The following ADD1 variants were observed in gnomAD, a reference collection of about 807,000 sequenced individuals.
The protein encoded by ADD1 is adducin 1.
Under a neutral mutation model 80.5 loss-of-function variants are expected in ADD1, and 24 were observed. The observed-to-expected ratio is 0.30, with a 90% CI of 0.22 to 0.42. The LOEUF (loss-of-function observed/expected upper bound fraction) is 0.42, where lower values mean the gene tolerates loss of function less well. ADD1 is among the 10% of genes least tolerant of loss of function. ADD1 has a pLI of 1.00. For missense variants in ADD1, 948 were observed against 1,019.0 expected (o/e 0.93, Z 0.95); for synonymous variants, 373 against 393.8 (o/e 0.95, Z 0.63).
At chr4:2,885,874 T>C (rs1733260331) in intron 4 of ADD1, among the ~76,000 whole-genome samples, 1 of 152,144 alleles carries the variant, frequency 6.6e-6, no homozygotes, top group Admixed American at 6.5e-5. Context: ...CCTCCCAAAG[T>C]GCTGGGATTA....
chr4:2,868,655 C>T (rs1327802553), intron 1 of ADD1, among the ~76,000 whole-genome samples: 1 of 152,194 alleles, frequency 6.6e-6, no homozygotes, highest in African/African-American at 2.4e-5. Flanking sequence ...CCCCAGGGCC[C>T]TTGTACAAAC....
At chr4:2,894,863 AC>A in intron 6 of ADD1, 132 bp downstream of exon 6, 1 of 1,014,272 alleles carries the variant, frequency 9.9e-7, no homozygotes, top group Non-Finnish European at 1.4e-6. Flanking sequence ...AAAAAGGTGT[AC>A]CACTAAGTTT....
intron 4 of ADD1, chr4:2,887,517 G>A (rs1398440841): frequency 6.6e-6 from 1 of 152,172 alleles, no homozygotes; most frequent in Non-Finnish European, 1.5e-5. Context: ...TTCCTCTCTC[G>A]GTGGCACTTA....
chr4:2,908,553 C>A lies in ADD1; in HGVS notation c.1647C>A (p.Gly549=). Residue 549 remains glycine, a synonymous_variant, in exon 12 of 16, where the codon GGC becomes GGA. Transcript: ENST00000683351. ...EQNLQDIKTA[G]PQSQVLCGVV... ...ATTTACAGGACATTAAGACGGCTGG[C>A]CCTCAGTCCCAGGTTTTGTGTGGTG... 5 of 1,614,228 alleles carry A rather than the reference C, an allele frequency of 3.1e-6. No homozygotes were observed. The highest frequency in any genetic ancestry group is 4.2e-6 in the Non-Finnish European group (5 of 1,180,034).
At position 2,893,992 on chromosome 4, in the gene ADD1, AT is replaced by A. The variant is rs758926681; in HGVS notation, c.511-19del. ...TAATTTCACTTGGATCTTTGAGCTA[AT>A]TCAGTCATTTTCCCCACAGACCAGA... On this transcript the variant is annotated intron_variant, in intron 4 of 15. Transcript: ENST00000683351. 6.2e-7 allele frequency: 1 copy of A among 1,606,178 alleles called. No individual in the cohort carries two copies. Among genetic ancestry groups the A allele is most frequent in the East Asian group, 2.2e-5 (1 of 44,828 alleles).
chr4:2,894,713 C>G lies in ADD1; in HGVS notation c.723C>G (p.His241Gln). 6.2e-7 allele frequency: 1 copy of G among 1,602,464 alleles called. No individual in the cohort carries two copies. The highest frequency in any genetic ancestry group is 8.5e-7 in the Non-Finnish European group (1 of 1,176,730). Reference sequence around the variant, plus strand: ...ACGTGAAGTGCGTCGTGCACATTCACACCCCAGCAGGGGCTGCGGTGAGTG... The same window carrying G: ...ACGTGAAGTGCGTCGTGCACATTCAGACCCCAGCAGGGGCTGCGGTGAGTG... ...RPDVKCVVHI[H>Q]TPAGAAVSAM... is the part of the protein sequence containing the mutation. Residue 241 changes from histidine to glutamine, a missense_variant, in exon 6 of 16, where the codon CAC becomes CAG. Physicochemically the swap from His to Gln is conservative, Grantham distance 24. Coordinates refer to ENST00000683351, the MANE Select transcript of ADD1 (RefSeq NM_001354761.2).
At chr4:2,888,292 T>G (rs904712699) in intron 4 of ADD1, among the ~76,000 whole-genome samples, 1 of 151,988 alleles carries the variant, frequency 6.6e-6, no homozygotes, top group African/African-American at 2.4e-5. Flanking sequence ...CTGGCCAGCC[T>G]GGGCTCAAAC....
At chr4:2,887,775 A>G (rs1371460436) in intron 4 of ADD1, 3 of 152,004 alleles carry the variant, frequency 2.0e-5, no homozygotes, top group Admixed American at 6.6e-5. Flanking sequence ...TTCTTCATAC[A>G]CAGAGAAGGG....
intron 1 of ADD1, among the ~76,000 whole-genome samples, chr4:2,864,601 A>C (rs1016580760): frequency 6.6e-6 from 1 of 151,974 alleles, no homozygotes; most frequent in Non-Finnish European, 1.5e-5. Context: ...CAAGTTCAGG[A>C]GATTTTTGGA....
chr4:2,893,423 GC>G (rs1232481663), intron 4 of ADD1, among the ~76,000 whole-genome samples: 1 of 152,050 alleles, frequency 6.6e-6, no homozygotes, highest in Non-Finnish European at 1.5e-5. Context: ...GACCAGCCTG[GC>G]CAGCATGGCG....
chr4:2,865,511 G>C lies in ADD1; in HGVS notation c.-20-10385G>C, dbSNP rs145170691. Reference sequence around the variant, plus strand: ...TGGTGTTCTCAGTTTATGAGCCCTTGCTATAATTTTCAAAGCTTTCTTTTA... The same window carrying C: ...TGGTGTTCTCAGTTTATGAGCCCTTCCTATAATTTTCAAAGCTTTCTTTTA... On this transcript the variant is annotated intron_variant, in intron 1 of 15. Coordinates refer to ENST00000683351, the MANE Select transcript of ADD1 (RefSeq NM_001354761.2). 2.7e-3 allele frequency among the ~76,000 whole-genome samples: 404 copies of C among 152,266 alleles called. 3 individuals carry two copies. The highest frequency in any genetic ancestry group is 7.6e-3 in the African/African-American group (314 of 41,550).
At chr4:2,895,727 A>G (rs1335425804) in intron 6 of ADD1, among the ~76,000 whole-genome samples, 1 of 152,168 alleles carries the variant, frequency 6.6e-6, no homozygotes, top group African/African-American at 2.4e-5. Flanking sequence ...CCACCCTGAC[A>G]AAGCCCCAGA....
chr4:2,928,061 C>G (rs1712192791), intron 15 of ADD1, 110 bp from the exon 16 acceptor site: 2 of 948,182 alleles, frequency 2.1e-6, no homozygotes, highest in African/African-American at 3.3e-5. Context: ...TGGTAAAAAT[C>G]TGTAGAGTAA....
intron 1 of ADD1, among the ~76,000 whole-genome samples, chr4:2,847,768 C>T (rs1195379109): frequency 2.0e-5 from 3 of 152,142 alleles, no homozygotes; most frequent in Admixed American, 1.3e-4. Context: ...CAGTCCAGAA[C>T]GGCGGGGACA....
rs1245486468 is a variant in ADD1 at position 2,885,899 on chromosome 4, CCT to C, written c.510+1234_510+1235del. On this transcript the variant is annotated intron_variant, in intron 4 of 15. Transcript: ENST00000683351. ...TGCTGGGATTACAGGCGTGAGCCACCCTGCCCGGCCCCTTCCTGCCTTGTTAG... is the reference window on the plus strand; with the variant it reads ...TGCTGGGATTACAGGCGTGAGCCACCGCCCGGCCCCTTCCTGCCTTGTTAG... 5.9e-5 allele frequency among the ~76,000 whole-genome samples: 9 copies of C among 151,960 alleles called. No individual in the cohort carries two copies. In the South Asian group the frequency reaches 8.3e-4, roughly 14 times the overall value.
chr4:2,862,568 G>C (rs1247667051), intron 1 of ADD1, among the ~76,000 whole-genome samples: 1 of 152,112 alleles, frequency 6.6e-6, no homozygotes, highest in African/African-American at 2.4e-5. Context: ...TGCCTTTCTG[G>C]ATATATGGCC....
At chr4:2,913,462 A>G (rs1738421345) in intron 13 of ADD1, among the ~76,000 whole-genome samples, 1 of 152,210 alleles carries the variant, frequency 6.6e-6, no homozygotes, top group Admixed American at 6.5e-5. Context: ...GAGGCAGGGC[A>G]ACTTCTTAAC....
At chr4:2,896,205 A>G (rs1342945370) in intron 6 of ADD1, among the ~76,000 whole-genome samples, 1 of 148,150 alleles carries the variant, frequency 6.7e-6, no homozygotes, top group East Asian at 2.0e-4. Flanking sequence ...CTGTATTTTA[A>G]TTGATCTTGG....
intron 4 of ADD1, among the ~76,000 whole-genome samples, chr4:2,891,467 A>G (rs1481538609): frequency 1.3e-5 from 2 of 152,082 alleles, no homozygotes; most frequent in Non-Finnish European, 2.9e-5. Context: ...AAAAAAAGAT[A>G]AAGGAGCTGA....
Sources: gnomAD v4.1 joint callset for allele counts (sites outside exome capture counted in the v4.1 genomes callset) on GRCh38, gnomAD v4.1.1 for gene constraint, MANE v1.5 for transcripts, NCBI Gene and HGNC (gene_info 2026-07-23, HGNC 2026-07-21) for gene names.